The following CSMD1 variants were observed in gnomAD, a reference collection of about 807,000 sequenced individuals.
The protein encoded by CSMD1 is CUB and sushi domain-containing protein 1.
A neutral mutation model predicts 417.5 loss-of-function variants in CSMD1; 213 were observed. That is an observed-to-expected ratio of 0.51 (90% confidence interval 0.46 to 0.57). The LOEUF (loss-of-function observed/expected upper bound fraction) is 0.57. Ranked by LOEUF, CSMD1 falls within the 20% of genes least tolerant of loss-of-function variation. The pLI is 0.00. For synonymous variants in CSMD1, 2,862 were observed against 1,736.8 expected (o/e 1.65, Z -16.11); for missense variants, 6,923 against 4,529.7 (o/e 1.53, Z -15.17).
chr8:4,449,166 T>C (rs923314751), intron 2 of CSMD1, among the ~76,000 whole-genome samples: 1 of 152,160 alleles, frequency 6.6e-6, no homozygotes, highest in Non-Finnish European at 1.5e-5. Context: ...GCAATATAGA[T>C]CACTCAAAAG....
intron 1 of CSMD1, among the ~76,000 whole-genome samples, chr8:4,943,478 AGAGT>A (rs1808159303): frequency 6.8e-6 from 1 of 147,936 alleles, no homozygotes; most frequent in African/African-American, 2.5e-5. Context: ...CTTGGGGGAC[AGAGT>A]GAGACACCGT....
At chr8:4,635,714 A>G (rs1281020173) in intron 2 of CSMD1, among the ~76,000 whole-genome samples, 1 of 152,140 alleles carries the variant, frequency 6.6e-6, no homozygotes, top group Non-Finnish European at 1.5e-5. Flanking sequence ...TTGATAATTG[A>G]CAACAAAAAA....
intron 5 of CSMD1, among the ~76,000 whole-genome samples, chr8:3,879,423 G>C (rs367850280): frequency 7.3e-4 from 111 of 152,222 alleles, no homozygotes; most frequent in African/African-American, 2.6e-3. Flanking sequence ...TGGAGGAAAT[G>C]AATCAGTCCG....
At chr8:4,031,583 T>C (rs964202387) in intron 4 of CSMD1, among the ~76,000 whole-genome samples, 1 of 152,182 alleles carries the variant, frequency 6.6e-6, no homozygotes, top group African/African-American at 2.4e-5. Flanking sequence ...AGCTAAATCA[T>C]ATCAGAAGTC....
At chr8:3,493,319 G>C (rs1042219527) in intron 11 of CSMD1, among the ~76,000 whole-genome samples, 7 of 146,240 alleles carry the variant, frequency 4.8e-5, no homozygotes, top group African/African-American at 1.5e-4. Flanking sequence ...AAAAGGGGGG[G>C]CGGAGGGGTT....
intron 1 of CSMD1, among the ~76,000 whole-genome samples, chr8:4,808,739 G>A (rs1304327019): frequency 6.6e-6 from 1 of 152,138 alleles, no homozygotes; most frequent in African/African-American, 2.4e-5. Flanking sequence ...TGCCTAATGG[G>A]AGAACATTAA....
At chr8:4,474,363 T>C (rs1165869785) in intron 2 of CSMD1, among the ~76,000 whole-genome samples, 3 of 152,168 alleles carry the variant, frequency 2.0e-5, no homozygotes, top group African/African-American at 7.2e-5. Context: ...TGGTGTTGTC[T>C]AACTTGAGCT....
intron 2 of CSMD1, among the ~76,000 whole-genome samples, chr8:4,429,511 T>G (rs1197767737): frequency 6.6e-6 from 1 of 152,172 alleles, no homozygotes; most frequent in Non-Finnish European, 1.5e-5. Flanking sequence ...ATATAATTTG[T>G]AGAATTCAAG....
At chr8:3,510,644 T>C (rs2117392487) in intron 10 of CSMD1, among the ~76,000 whole-genome samples, 1 of 151,806 alleles carries the variant, frequency 6.6e-6, no homozygotes, top group Non-Finnish European at 1.5e-5. Context: ...GATAAAAAAA[T>C]CACATTTCAG....
At chr8:4,094,207 T>A (rs967511585) in intron 3 of CSMD1, among the ~76,000 whole-genome samples, 1 of 151,878 alleles carries the variant, frequency 6.6e-6, no homozygotes, top group Admixed American at 6.6e-5. Flanking sequence ...GGGTGTGAGC[T>A]TGGCTGCACT....
chr8:4,275,108 G>A (rs1034875099), intron 3 of CSMD1, among the ~76,000 whole-genome samples: 2 of 152,068 alleles, frequency 1.3e-5, no homozygotes, highest in African/African-American at 2.4e-5. Flanking sequence ...AAAGCCCTTG[G>A]CCTTATAAAG....
At chr8:4,243,303 G>T (rs746512618) in intron 3 of CSMD1, among the ~76,000 whole-genome samples, 2 of 152,046 alleles carry the variant, frequency 1.3e-5, no homozygotes, top group African/African-American at 4.8e-5. Context: ...CATGGTAAAG[G>T]CTCTTGGCTA....
intron 5 of CSMD1, among the ~76,000 whole-genome samples, chr8:3,911,173 C>T (rs1483773509): frequency 6.6e-6 from 1 of 152,196 alleles, no homozygotes; most frequent in Admixed American, 6.5e-5. Context: ...ATGCAAGTGT[C>T]TGCTTCCAGA....
chr8:4,648,079 T>G (rs1014043795), intron 1 of CSMD1, among the ~76,000 whole-genome samples: 2 of 152,192 alleles, frequency 1.3e-5, no homozygotes, highest in Admixed American at 6.5e-5. Flanking sequence ...AAGCATCTGT[T>G]GTTTCCTTAC....
chr8:4,706,466 T>C (rs1005695614), intron 1 of CSMD1, among the ~76,000 whole-genome samples: 9 of 152,232 alleles, frequency 5.9e-5, no homozygotes, highest in Non-Finnish European at 1.0e-4. Context: ...CAAATGTCTC[T>C]ATAATACAAA....
At chr8:3,840,202 T>A (rs1803033261) in intron 5 of CSMD1, among the ~76,000 whole-genome samples, 1 of 152,096 alleles carries the variant, frequency 6.6e-6, no homozygotes, top group African/African-American at 2.4e-5. Flanking sequence ...AGTAACTAAA[T>A]GCTTCTGTAT....
chr8:4,409,682 G>C (rs1485089492), intron 3 of CSMD1, among the ~76,000 whole-genome samples: 1 of 143,412 alleles, frequency 7.0e-6, no homozygotes, highest in Non-Finnish European at 1.5e-5. Flanking sequence ...ACCAGATAAA[G>C]AGACAAAGCA....
intron 5 of CSMD1, among the ~76,000 whole-genome samples, chr8:3,781,434 G>A (rs1727651599): frequency 6.6e-6 from 1 of 152,124 alleles, no homozygotes; most frequent in African/African-American, 2.4e-5. Context: ...GCACAGTCTG[G>A]GGGGTTTCCT....
At chr8:4,370,537 C>T (rs1802336295) in intron 3 of CSMD1, among the ~76,000 whole-genome samples, 1 of 152,188 alleles carries the variant, frequency 6.6e-6, no homozygotes, top group South Asian at 2.1e-4. Context: ...ATGTGTTTCT[C>T]AAGTTTCTTG....
Sources: gnomAD v4.1 joint callset for allele counts (sites outside exome capture counted in the v4.1 genomes callset) on GRCh38, gnomAD v4.1.1 for gene constraint, MANE v1.5 for transcripts, NCBI Gene and HGNC (gene_info 2026-07-23, HGNC 2026-07-21) for gene names.